Variants in SH3GL3 observed in about 807,000 individuals in gnomAD.
SH3GL3 encodes endophilin-A3.
In SH3GL3, 33 loss-of-function variants were observed where a neutral mutation model predicts 47.7. The observed-to-expected ratio is 0.69, with a 90% CI of 0.52 to 0.92. The LOEUF is 0.92. Ranked by LOEUF, SH3GL3 falls within the 40% of genes least tolerant of loss-of-function variation. SH3GL3 has a pLI of 0.00. For synonymous variants in SH3GL3, 155 were observed against 148.8 expected (o/e 1.04, Z -0.30); for missense variants, 363 against 417.8 (o/e 0.87, Z 1.14).
intron 5 of SH3GL3, among the ~76,000 whole-genome samples, chr15:83,573,446 T>C (rs986654980): frequency 6.6e-6 from 1 of 152,248 alleles, no homozygotes; most frequent in Admixed American, 6.5e-5. Context: ...ATGCAAATTC[T>C]TGGGCCCCAT....
At chr15:83,524,016 A>C (rs1546074) in intron 1 of SH3GL3, among the ~76,000 whole-genome samples, 123,526 of 151,442 alleles carry the variant, frequency 0.82, 50,636 homozygotes, top group South Asian at 0.89. Flanking sequence ...AGGAACTGGT[A>C]ATACTATACA....
chr15:83,512,749 G>A (rs192407557), intron 1 of SH3GL3, among the ~76,000 whole-genome samples: 4 of 151,730 alleles, frequency 2.6e-5, no homozygotes, highest in African/African-American at 9.7e-5. Context: ...TGTAGTCAGC[G>A]CTCTGTTTTC....
At chr15:83,615,720 G>T (rs1051358382) in intron 8 of SH3GL3, among the ~76,000 whole-genome samples, 1 of 152,184 alleles carries the variant, frequency 6.6e-6, no homozygotes, top group African/African-American at 2.4e-5. Context: ...TAAGTCCCAT[G>T]ATGATTAAAT....
At chr15:83,466,118 A>G (rs1272452780) in intron 1 of SH3GL3, among the ~76,000 whole-genome samples, 2 of 152,198 alleles carry the variant, frequency 1.3e-5, no homozygotes, top group Admixed American at 1.3e-4. Flanking sequence ...AATATTATAT[A>G]AATGGAATCA....
chr15:83,576,905 TA>T (rs138903509), intron 6 of SH3GL3, among the ~76,000 whole-genome samples, 164 bp downstream of exon 6: 1,313 of 124,800 alleles, frequency 0.011, 31 homozygotes, highest in African/African-American at 0.035. Context: ...CTGATGAGCT[TA>T]AAAAAAAAAT....
intron 1 of SH3GL3, among the ~76,000 whole-genome samples, chr15:83,494,045 G>A (rs912756851): frequency 3.3e-5 from 5 of 152,354 alleles, no homozygotes; most frequent in African/African-American, 1.2e-4. Flanking sequence ...AGCCTGAGTC[G>A]TTGTTAGGGC....
chr15:83,515,393 A>G (rs1452115349), intron 1 of SH3GL3, among the ~76,000 whole-genome samples: 1 of 152,234 alleles, frequency 6.6e-6, no homozygotes, highest in East Asian at 1.9e-4. Flanking sequence ...AATGAATTGC[A>G]GAACTAGCAG....
chr15:83,461,582 T>TA (rs550987646), intron 1 of SH3GL3, among the ~76,000 whole-genome samples: 1,981 of 151,946 alleles, frequency 0.013, 18 homozygotes, highest in Non-Finnish European at 0.018. Flanking sequence ...TCTCTAAAAT[T>TA]AAAAAAAACT....
At chr15:83,479,806 TGCCACCTACCAGCTC>T (rs2041263313) in intron 1 of SH3GL3, among the ~76,000 whole-genome samples, 1 of 152,188 alleles carries the variant, frequency 6.6e-6, no homozygotes, top group Admixed American at 6.5e-5. Context: ...AGGCTGTCTC[TGCCACCTACCAGCTC>T]TGTGATCTTG....
chr15:83,627,396 C>CA, the SH3GL3 span, among the ~76,000 whole-genome samples: 16,314 of 74,848 alleles, frequency 0.22, 1,316 homozygotes, highest in Admixed American at 0.36. Flanking sequence ...GATGCCGTCT[C>CA]AAAAAAAAAA....
chr15:83,625,183 C>A, the SH3GL3 span, among the ~76,000 whole-genome samples: 1 of 152,152 alleles, frequency 6.6e-6, no homozygotes, highest in Non-Finnish European at 1.5e-5. Flanking sequence ...CCCAGAGAAG[C>A]TGTGTTATTT....
Position 83,618,450 on chromosome 15 carries a change from A to G in SH3GL3, c.*163A>G, listed in dbSNP as rs1385546268. 1 of 580,850 alleles carries G rather than the reference A, an allele frequency of 1.7e-6. No homozygotes were observed. The highest frequency in any genetic ancestry group is 3.1e-6 in the Non-Finnish European group (1 of 326,714). 36.0% of individuals were successfully genotyped at this position (580,850 alleles called of 1,614,324 possible). A position where few individuals can be genotyped will look rare whatever the true frequency, so the allele number is the denominator to read the frequency against. On this transcript the variant is annotated 3_prime_UTR_variant, in exon 9 of 9. Coordinates refer to ENST00000427482, the MANE Select transcript of SH3GL3 (RefSeq NM_003027.5). ...TATTTTATATCACTTTAATTTGTAT[A>G]AATGATTTTCTTGTCCTTGCTACAT...
At chr15:83,512,115 G>A (rs1424315372) in intron 1 of SH3GL3, among the ~76,000 whole-genome samples, 1 of 152,028 alleles carries the variant, frequency 6.6e-6, no homozygotes, top group African/African-American at 2.4e-5. Flanking sequence ...GGGGATAAAT[G>A]CCACCTGCTA....
chr15:83,630,686 A>G, the SH3GL3 span, among the ~76,000 whole-genome samples: 1 of 152,162 alleles, frequency 6.6e-6, no homozygotes, highest in Non-Finnish European at 1.5e-5. Flanking sequence ...TCATGAGAAC[A>G]GCATGAGGGT....
the SH3GL3 span, among the ~76,000 whole-genome samples, chr15:83,625,704 C>CCATTT: frequency 6.6e-6 from 1 of 151,928 alleles, no homozygotes; most frequent in Non-Finnish European, 1.5e-5. Flanking sequence ...GGGATTTTAT[C>CCATTT]CATTTTTTTC....
intron 1 of SH3GL3, among the ~76,000 whole-genome samples, chr15:83,477,749 C>G (rs1363372189): frequency 2.6e-5 from 4 of 152,062 alleles, no homozygotes; most frequent in Non-Finnish European, 4.4e-5. Context: ...CATTTATTCT[C>G]CTTAGGAGAC....
chr15:83,519,852 C>T (rs1028027909), intron 1 of SH3GL3, among the ~76,000 whole-genome samples: 4 of 152,116 alleles, frequency 2.6e-5, no homozygotes, highest in African/African-American at 9.7e-5. Context: ...TGAAGCTACT[C>T]TTTATTTCAT....
chr15:83,633,292 T>G, the SH3GL3 span, among the ~76,000 whole-genome samples: 2 of 152,228 alleles, frequency 1.3e-5, no homozygotes, highest in Non-Finnish European at 2.9e-5. Flanking sequence ...AGTATCCCCA[T>G]TTTTCTAAGA....
intron 1 of SH3GL3, among the ~76,000 whole-genome samples, chr15:83,480,489 G>T (rs1032758321): frequency 1.3e-5 from 2 of 152,184 alleles, no homozygotes; most frequent in Non-Finnish European, 2.9e-5. Context: ...ACCTTGTGGG[G>T]CCAGCATGAG....
Sources: gnomAD v4.1 joint callset for allele counts (sites outside exome capture counted in the v4.1 genomes callset) on GRCh38, gnomAD v4.1.1 for gene constraint, MANE v1.5 for transcripts, NCBI Gene and HGNC (gene_info 2026-07-23, HGNC 2026-07-21) for gene names.